KIF3A: variants seen among roughly 807,000 people sequenced by gnomAD.
KIF3A encodes the protein kinesin family member 3A, also known as kinesin-like protein KIF3A.
A neutral mutation model predicts 92.6 loss-of-function variants in KIF3A; 27 were observed. The observed-to-expected ratio is 0.29, with a 90% confidence interval of 0.21 to 0.40. KIF3A has a LOEUF of 0.40. Ranked by LOEUF, KIF3A falls within the 10% of genes least tolerant of loss-of-function variation. The pLI, the probability that KIF3A is intolerant of heterozygous loss-of-function variation, is 1.00. For missense variants in KIF3A, 581 were observed against 872.6 expected (o/e 0.67, Z 4.21); for synonymous variants, 250 against 275.4 (o/e 0.91, Z 0.92).
intron 5 of KIF3A, among the ~76,000 whole-genome samples, chr5:132,718,722 G>C (rs1017632956): frequency 2.6e-5 from 4 of 152,186 alleles, no homozygotes; most frequent in African/African-American, 9.7e-5. Context: ...TGCCTCCCAG[G>C]TTCAAGCAAT....
chr5:132,709,048 G>A (rs1459603788), intron 9 of KIF3A, 70 bp from the exon 10 acceptor site: 1 of 1,185,208 alleles, frequency 8.4e-7, no homozygotes, highest in Non-Finnish European at 1.2e-6. Context: ...CACACACACA[G>A]AGAAAAATTC....
At chr5:132,730,584 C>T (rs558591881) in intron 2 of KIF3A, among the ~76,000 whole-genome samples, 1 of 152,026 alleles carries the variant, frequency 6.6e-6, no homozygotes, top group Non-Finnish European at 1.5e-5. Flanking sequence ...TCCAGGAGTT[C>T]AAGACCAGCT....
intron 9 of KIF3A, among the ~76,000 whole-genome samples, chr5:132,709,718 A>G (rs1001130091): frequency 1.3e-5 from 2 of 152,244 alleles, no homozygotes; most frequent in Non-Finnish European, 2.9e-5. Flanking sequence ...AAAAGGACAG[A>G]TAAGTGTTTG....
At chr5:132,710,937 C>T in intron 9 of KIF3A, 22 bp downstream of exon 9, 1 of 1,613,628 alleles carries the variant, frequency 6.2e-7, no homozygotes, top group Non-Finnish European at 8.5e-7. Context: ...TTCTACAAAT[C>T]AGATTACTAA....
rs1752727165 is a variant in KIF3A at position 132,693,455 on chromosome 5, C to A, written c.*3179G>T. On this transcript the variant is annotated 3_prime_UTR_variant, in exon 19 of 19. Coordinates refer to ENST00000403231, the MANE Select transcript of KIF3A (RefSeq NM_001300791.2). ...TAAATTAAAGGGAAAAGAGAATACC[C>A]ATTCAATAACCTATTTATATATATG... The A allele has an allele frequency of 1.3e-5, 2 of 152,706 alleles. No homozygotes were observed. The highest frequency in any genetic ancestry group is 4.1e-4 in the South Asian group (2 of 4,828). 9.5% of individuals were successfully genotyped at this position (152,706 alleles called of 1,614,324 possible). A position where few individuals can be genotyped will look rare whatever the true frequency, so the allele number is the denominator to read the frequency against.
chr5:132,694,815 A>G lies in KIF3A; in HGVS notation c.*1819T>C, dbSNP rs962095791. 2.0e-5 allele frequency: 3 copies of G among 152,368 alleles called. No individual in the cohort carries two copies. Among genetic ancestry groups the G allele is most frequent in the Non-Finnish European group, 4.4e-5 (3 of 68,040 alleles). The allele number at this position is 152,368 out of a possible 1,614,324, so 9.4% of individuals were successfully genotyped here. A position where few individuals can be genotyped will look rare whatever the true frequency, so the allele number is the denominator to read the frequency against. ...CCACAGAGTTAAGTAATAAATTTCT[A>G]GCTATCTTACATACCACAAACAAAT... On this transcript the variant is annotated 3_prime_UTR_variant, in exon 19 of 19. Transcript: ENST00000403231.
In KIF3A at chr5:132,696,598, T is replaced by C; in HGVS notation, c.*36A>G. 1 of 1,329,118 alleles carries C rather than the reference T, an allele frequency of 7.5e-7. No individual in the cohort carries two copies. The highest frequency in any genetic ancestry group is 1.1e-6 in the Non-Finnish European group (1 of 925,242). 82.3% of individuals were successfully genotyped at this position (1,329,118 alleles called of 1,614,324 possible). A position where few individuals can be genotyped will look rare whatever the true frequency, so the allele number is the denominator to read the frequency against. On this transcript the variant is annotated 3_prime_UTR_variant, in exon 19 of 19. Coordinates refer to ENST00000403231, the MANE Select transcript of KIF3A (RefSeq NM_001300791.2). The stretch of plus-strand genomic sequence containing the variant: ...AAGATTTTGTCCAGGCATGAGAATA[T>C]CACTAATTTTTATTGTGACTTTAAG...
chr5:132,732,443 A>AATATGAT (rs1163880698), intron 2 of KIF3A, among the ~76,000 whole-genome samples: 1 of 152,238 alleles, frequency 6.6e-6, no homozygotes, highest in African/African-American at 2.4e-5. Flanking sequence ...GGATAAACAA[A>AATATGAT]ATATGATATA....
intron 8 of KIF3A, among the ~76,000 whole-genome samples, chr5:132,713,132 G>A (rs1407256596): frequency 2.6e-5 from 4 of 152,072 alleles, no homozygotes; most frequent in Non-Finnish European, 4.4e-5. Context: ...ATTCCAGCCT[G>A]GCAACAGAGC....
At chr5:132,737,161 G>A (rs1729119734) in intron 1 of KIF3A, among the ~76,000 whole-genome samples, 1 of 152,224 alleles carries the variant, frequency 6.6e-6, no homozygotes, top group Admixed American at 6.5e-5. Flanking sequence ...TTTGATAAGC[G>A]GCGCAGGCCC....
At chr5:132,727,484 G>C (rs922125554) in intron 2 of KIF3A, among the ~76,000 whole-genome samples, 3 of 152,118 alleles carry the variant, frequency 2.0e-5, no homozygotes, top group African/African-American at 7.2e-5. Context: ...GAATCAGATA[G>C]GAACAGTGTG....
At position 132,726,438 on chromosome 5, in the gene KIF3A, C is replaced by T. The variant is rs1171722465; in HGVS notation, c.341G>A (p.Arg114Gln). The T allele has an allele frequency of 9.3e-6, 15 of 1,613,516 alleles. No individual in the cohort carries two copies. The highest frequency in any genetic ancestry group is 1.2e-5 in the Non-Finnish European group (14 of 1,179,656). The change falls in exon 3 of 19, where the codon CGA becomes CAA. Residue 114 changes from arginine (R) to glutamine (Q), a missense_variant. Arg to Gln is a conservative substitution (Grantham distance 43, BLOSUM62 1). Around this residue, in one of 5 missense-constraint regions of KIF3A, gnomAD observed 217 missense variants for 299.7 expected, o/e 0.72. Transcript: ENST00000403231. Reference protein sequence around the residue: ...TGKTFTMEGVRAIPELRGIIP... With the variant: ...TGKTFTMEGVQAIPELRGIIP... The stretch of plus-strand genomic sequence containing the variant: ...TATTCCTCTAAGTTCAGGAATAGCT[C>T]GAACACCTTCCATGGTAAAAGTTTT...
At chr5:132,725,768 C>T (rs1475045524) in intron 4 of KIF3A, among the ~76,000 whole-genome samples, 4 of 152,160 alleles carry the variant, frequency 2.6e-5, no homozygotes, top group African/African-American at 9.7e-5. Flanking sequence ...CTATATTATT[C>T]TACAATGGCA....
chr5:132,713,587 AT>A, intron 8 of KIF3A, among the ~76,000 whole-genome samples: 1 of 152,280 alleles, frequency 6.6e-6, no homozygotes, highest in South Asian at 2.1e-4. Context: ...TAACAACAGT[AT>A]TATCATAGAA....
rs532600022 is a variant in KIF3A at position 132,726,166 on chromosome 5, G to A, written c.472C>T (p.Arg158Cys). Residue 158 changes from arginine (R) to cysteine (C), a missense_variant, in exon 4 of 19, where the codon CGT (arginine) becomes TGT (cysteine). By Grantham distance (180) the Arg-to-Cys change is radical. Around this residue, in one of 5 missense-constraint regions of KIF3A, gnomAD observed 217 missense variants for 299.7 expected, o/e 0.72. Transcript: ENST00000403231. ...SYLEIYNEEV[R>C]DLLGKDQTQR... The stretch of plus-strand genomic sequence containing the variant: ...GTCTGATCCTTGCCCAAAAGGTCAC[G>A]AACTTCTTCATTATATATTTCCAAA... 271 of 1,611,682 alleles carry A rather than the reference G, an allele frequency of 1.7e-4. 1 individual carries two copies. The Admixed American group carries it at 4.2e-3, about 25-fold the overall frequency.
At chr5:132,720,958 G>A (rs1359331920) in intron 4 of KIF3A, among the ~76,000 whole-genome samples, 1 of 152,134 alleles carries the variant, frequency 6.6e-6, no homozygotes, top group African/African-American at 2.4e-5. Context: ...ACACTACTAA[G>A]CTAGTGAAGG....
rs893267221 is a variant in KIF3A at position 132,694,283 on chromosome 5, T to C, written c.*2351A>G. The C allele has an allele frequency of 6.6e-6, 1 of 151,456 alleles. No homozygotes were observed. Among genetic ancestry groups the C allele is most frequent in the Non-Finnish European group, 1.5e-5 (1 of 67,936 alleles). The allele number at this position is 151,456 out of a possible 1,614,324, so 9.4% of individuals were successfully genotyped here. A position where few individuals can be genotyped will look rare whatever the true frequency, so the allele number is the denominator to read the frequency against. ...AGCCGAGCATGATGGCATACAGCTG[T>C]AGTTCCAGCAACTCAGGAGGCTGAA... is the stretch of plus-strand genomic sequence containing the variant. On this transcript the variant is annotated 3_prime_UTR_variant, in exon 19 of 19. Coordinates refer to ENST00000403231, the MANE Select transcript of KIF3A (RefSeq NM_001300791.2).
chr5:132,727,854 C>T (rs1754086647), intron 2 of KIF3A, among the ~76,000 whole-genome samples: 1 of 152,122 alleles, frequency 6.6e-6, no homozygotes, highest in Admixed American at 6.5e-5. Context: ...TATATGAAAA[C>T]GGTTCCTCAA....
chr5:132,725,204 G>T (rs962740208), intron 4 of KIF3A, among the ~76,000 whole-genome samples: 1 of 151,912 alleles, frequency 6.6e-6, no homozygotes, highest in African/African-American at 2.4e-5. Context: ...TTGAAAACCA[G>T]CAACAAAGAA....
Sources: gnomAD v4.1 joint callset for allele counts (sites outside exome capture counted in the v4.1 genomes callset) on GRCh38, gnomAD v4.1.1 for gene constraint, gnomAD v4.1.1 regional missense constraint, MANE v1.5 for transcripts, NCBI Gene and HGNC (gene_info 2026-07-23, HGNC 2026-07-21) for gene names.